Variants in DMD observed in about 807,000 individuals in gnomAD.
The protein encoded by DMD is mutant dystrophin.
A neutral mutation model predicts 330.1 loss-of-function variants in DMD; 63 were observed. The ratio of observed to expected loss-of-function variants is 0.19; its 90% CI spans 0.16 to 0.24. The LOEUF (loss-of-function observed/expected upper bound fraction) is 0.24, where lower values mean the gene tolerates loss of function less well. Ranked by LOEUF, DMD falls within the 10% of genes least tolerant of loss-of-function variation. The pLI, the probability that DMD is intolerant of heterozygous loss-of-function variation, is 1.00. For synonymous variants in DMD, 1,223 were observed against 959.8 expected, an observed-to-expected ratio of 1.27 and a Z score of -5.07; for missense variants, 3,344 against 2,684.1, an observed-to-expected ratio of 1.25 and a Z score of -5.43.
At chrX:32,876,591 C>A (rs745441080) in intron 2 of DMD, among the ~76,000 whole-genome samples, 6 of 111,914 alleles carry the variant, frequency 5.4e-5, no homozygotes, top group Non-Finnish European at 9.4e-5. Flanking sequence ...GTCTCTCGGT[C>A]ATTTGTTCAT....
chrX:31,646,896 A>G (rs1053002505), intron 54 of DMD, among the ~76,000 whole-genome samples: 1 of 111,881 alleles, frequency 8.9e-6, no homozygotes, highest in Non-Finnish European at 1.9e-5. Flanking sequence ...AACCTTACAC[A>G]TGTATCTCAT....
At chrX:32,907,514 C>G (rs1315647269) in intron 2 of DMD, among the ~76,000 whole-genome samples, 1 of 111,765 alleles carries the variant, frequency 8.9e-6, no homozygotes, top group African/African-American at 3.3e-5. Flanking sequence ...GAATTAATCA[C>G]TAATAGGAGA....
At chrX:32,208,594 C>T (rs1037700801) in intron 44 of DMD, among the ~76,000 whole-genome samples, 4 of 111,682 alleles carry the variant, frequency 3.6e-5, no homozygotes, top group African/African-American at 1.3e-4. Flanking sequence ...GGAAAAACAA[C>T]CCACCATTTG....
intron 7 of DMD, among the ~76,000 whole-genome samples, chrX:32,767,628 G>A (rs986748444): frequency 9.0e-6 from 1 of 111,325 alleles, no homozygotes; most frequent in Non-Finnish European, 1.9e-5. Flanking sequence ...GTTTGATCAG[G>A]AACAAAGCAT....
chrX:31,797,342 T>C (rs1204990445), intron 50 of DMD, among the ~76,000 whole-genome samples: 2 of 109,443 alleles, frequency 1.8e-5, no homozygotes, highest in Admixed American at 9.7e-5. Context: ...CCAGAGAATG[T>C]GCAATCTCAG....
intron 17 of DMD, among the ~76,000 whole-genome samples, chrX:32,541,338 C>G (rs2048461670): frequency 9.0e-6 from 1 of 111,649 alleles, no homozygotes; most frequent in African/African-American, 3.3e-5. Context: ...CTACCCACCA[C>G]AATCTTCCTC....
chrX:32,801,583 C>T (rs759262584), intron 7 of DMD, among the ~76,000 whole-genome samples: 1 of 111,850 alleles, frequency 8.9e-6, no homozygotes, highest in Non-Finnish European at 1.9e-5. Flanking sequence ...AGTCTTTGCC[C>T]ATGCCTATGT....
chrX:33,173,473 A>G (rs190726074), intron 1 of DMD, among the ~76,000 whole-genome samples: 49 of 111,773 alleles, frequency 4.4e-4, no homozygotes, highest in Non-Finnish European at 7.9e-4. Context: ...CTCAGATTCA[A>G]AAGAGAGAGG....
intron 15 of DMD, among the ~76,000 whole-genome samples, chrX:32,566,397 C>A (rs2051718678): frequency 8.9e-6 from 1 of 112,044 alleles, no homozygotes; most frequent in African/African-American, 3.2e-5. Flanking sequence ...ATTATTGTTT[C>A]CACAGTTTTA....
intron 2 of DMD, among the ~76,000 whole-genome samples, chrX:32,951,111 T>C (rs772191390): frequency 9.0e-6 from 1 of 111,174 alleles, no homozygotes; most frequent in Non-Finnish European, 1.9e-5. Context: ...AATTCCTATA[T>C]TGTCGCAATA....
Position 31,750,085 on chromosome X carries a change from G to A in DMD, c.7543-20337C>T, listed in dbSNP as rs75616160. ...GCAGGTTGCGAAAATTTTCTCCCAT[G>A]TTGTAGGTTGCCTGTTCACTCTGAT... On this transcript the variant is annotated intron_variant, in intron 51 of 78. Coordinates refer to ENST00000357033, the MANE Select transcript of DMD (RefSeq NM_004006.3). 4.6e-5 allele frequency among the ~76,000 whole-genome samples: 5 copies of A among 108,781 alleles called. No homozygotes were observed. In the East Asian group the frequency reaches 1.2e-3, roughly 26 times the overall value. 94.5% of individuals were successfully genotyped at this position (108,781 alleles called of 115,157 possible).
chrX:31,937,449 T>A (rs944979641), intron 45 of DMD, among the ~76,000 whole-genome samples: 48 of 111,769 alleles, frequency 4.3e-4, no homozygotes, highest in African/African-American at 1.4e-3. Flanking sequence ...TTTAATTTTT[T>A]AAAAAAACAG....
intron 60 of DMD, among the ~76,000 whole-genome samples, chrX:31,373,101 C>G (rs780478835): frequency 0.02 from 2,157 of 107,075 alleles, 51 homozygotes; most frequent in African/African-American, 0.069. Context: ...ACCTAGGAAT[C>G]CAACTTACAA....
intron 12 of DMD, among the ~76,000 whole-genome samples, chrX:32,598,323 T>A (rs2149276269): frequency 8.9e-6 from 1 of 111,868 alleles, no homozygotes; most frequent in South Asian, 3.7e-4. Context: ...AATGGAAACA[T>A]TAAAATTCAG....
intron 2 of DMD, among the ~76,000 whole-genome samples, chrX:32,868,484 G>A (rs1256276291): frequency 8.9e-6 from 1 of 111,897 alleles, no homozygotes; most frequent in Non-Finnish European, 1.9e-5. Context: ...GGTGGCTACC[G>A]GCTTACTGAG....
intron 1 of DMD, among the ~76,000 whole-genome samples, chrX:33,081,662 G>A (rs1037727104): frequency 8.9e-6 from 1 of 112,176 alleles, no homozygotes; most frequent in East Asian, 2.8e-4. Flanking sequence ...CTTCATGGGA[G>A]TCTGATCTCC....
intron 2 of DMD, among the ~76,000 whole-genome samples, chrX:32,945,525 T>A (rs932103628): frequency 9.0e-6 from 1 of 111,259 alleles, no homozygotes; most frequent in East Asian, 2.8e-4. Context: ...TTTCACTGAC[T>A]AGAATATGCA....
In DMD at chrX:31,712,615, CT is replaced by C. The variant is rs2084728443; in HGVS notation, c.7660+17015del. ...TATTTTGGTTCCACTAAAAAACTGA[CT>C]ACATTACCTTCATGTGTATCCTGAT... is the stretch of plus-strand genomic sequence containing the variant. On this transcript the variant is annotated intron_variant, in intron 52 of 78. Coordinates refer to ENST00000357033, the MANE Select transcript of DMD (RefSeq NM_004006.3). 3.6e-5 allele frequency among the ~76,000 whole-genome samples: 3 copies of C among 84,462 alleles called. No individual in the cohort carries two copies. In the East Asian group the frequency reaches 9.2e-4, roughly 26 times the overall value. The allele number at this position is 84,462 out of a possible 115,157, so 73.3% of individuals were successfully genotyped here. A position where few individuals can be genotyped will look rare whatever the true frequency, so the allele number is the denominator to read the frequency against.
intron 30 of DMD, among the ~76,000 whole-genome samples, chrX:32,407,925 A>G (rs1287495544): frequency 6.7e-4 from 63 of 94,563 alleles, no homozygotes; most frequent in Non-Finnish European, 1.1e-3. Context: ...TTGAACAATG[A>G]GAACACATGG....
Sources: gnomAD v4.1 joint callset for allele counts (sites outside exome capture counted in the v4.1 genomes callset) on GRCh38, gnomAD v4.1.1 for gene constraint, MANE v1.5 for transcripts, NCBI Gene and HGNC (gene_info 2026-07-23, HGNC 2026-07-21) for gene names.